Variants in TSLP observed in about 807,000 individuals in gnomAD.
TSLP encodes thymic stromal lymphopoietin.
Under a neutral mutation model 12.4 loss-of-function variants are expected in TSLP, and 12 were observed. The ratio of observed to expected loss-of-function variants is 0.97; its 90% CI spans 0.62 to 1.57. The LOEUF is 1.57. TSLP is among the 40% of genes most tolerant of loss of function. TSLP has a pLI of 0.00. For synonymous variants in TSLP, 97 were observed against 69.5 expected (o/e 1.40, Z -1.97); for missense variants, 222 against 189.6 (o/e 1.17, Z -1.00).
Position 111,077,745 on chromosome 5 carries a change from G to A in TSLP, c.*1671G>A, listed in dbSNP as rs1350152253. On this transcript the variant is annotated 3_prime_UTR_variant, in exon 4 of 4. Transcript: ENST00000344895. ...TAAGTGCAGTTTCTTTGAATCTTCT[G>A]CTTTATCTTTAAAAATTTGTATAAT... 1 of 152,488 alleles carries A rather than the reference G, an allele frequency of 6.6e-6. No individual in the cohort carries two copies. 9.4% of individuals were successfully genotyped at this position (152,488 alleles called of 1,614,324 possible). A position where few individuals can be genotyped will look rare whatever the true frequency, so the allele number is the denominator to read the frequency against.
Position 111,071,886 on chromosome 5 carries a change from C to T in TSLP, c.-5C>T. 2 of 1,612,744 alleles carry T rather than the reference C, an allele frequency of 1.2e-6. No homozygotes were observed. Among genetic ancestry groups the T allele is most frequent in the East Asian group, 2.2e-5 (1 of 44,862 alleles). ...TGAAACTGGGGTGGAATTGGGTGTC[C>T]ACGTATGTTCCCTTTTGCCTTACTA... On this transcript the variant is annotated 5_prime_UTR_variant, in exon 1 of 4. Transcript: ENST00000344895.
chr5:111,073,982 A>G (rs1580377116), intron 3 of TSLP, among the ~76,000 whole-genome samples: 1 of 152,212 alleles, frequency 6.6e-6, no homozygotes. Flanking sequence ...CCAGGTACTC[A>G]ACCCAGACCT....
intron 2 of TSLP, 22 bp downstream of exon 2, chr5:111,072,954 G>T: frequency 6.2e-7 from 1 of 1,613,886 alleles, no homozygotes; most frequent in Non-Finnish European, 8.5e-7. Context: ...GTTCAGTGCT[G>T]CTGGCTTTCT....
Position 111,076,840 on chromosome 5 carries a change from T to C in TSLP, c.*766T>C, listed in dbSNP as rs565557984. On this transcript the variant is annotated 3_prime_UTR_variant, in exon 4 of 4. Coordinates refer to ENST00000344895, the MANE Select transcript of TSLP (RefSeq NM_033035.5). The stretch of plus-strand genomic sequence containing the variant: ...AATCTAGTTAGACAATTTGCACACA[T>C]ACTTTTCTAAGGGACATTATCTTCC... The C allele has an allele frequency of 6.6e-5, 10 of 152,216 alleles. No individual in the cohort carries two copies. Among genetic ancestry groups the C allele is most frequent in the Non-Finnish European group, 1.5e-4 (10 of 68,038 alleles). The allele number at this position is 152,216 out of a possible 1,614,324, so 9.4% of individuals were successfully genotyped here. A position where few individuals can be genotyped will look rare whatever the true frequency, so the allele number is the denominator to read the frequency against.
At position 111,072,911 on chromosome 5, in the gene TSLP, C is replaced by A. The variant is rs141294003; in HGVS notation, c.195C>A (p.Asn65Lys). ...MSGTKSTEFN[N>K]TVSCSNRPHC... is the part of the protein sequence containing the mutation. ...AGACCAAAAGTACCGAGTTCAACAA[C>A]ACCGTCTCTTGTAGCAATCGGGTGA... Residue 65 changes from asparagine to lysine, a missense_variant, in exon 2 of 4, where the codon AAC becomes AAA. Physicochemically the swap from Asn to Lys is moderately conservative, Grantham distance 94. Transcript: ENST00000344895. The A allele has an allele frequency of 1.1e-5, 17 of 1,614,116 alleles. No individual in the cohort carries two copies. The highest frequency in any genetic ancestry group is 2.7e-5 in the African/African-American group (2 of 74,940).
chr5:111,074,837 C>A (rs1752456085), intron 3 of TSLP, among the ~76,000 whole-genome samples: 1 of 151,982 alleles, frequency 6.6e-6, no homozygotes, highest in Non-Finnish European at 1.5e-5. Context: ...CCAGGCTGGT[C>A]TCGAATTCCT....
chr5:111,073,273 G>C, intron 2 of TSLP: 1 of 1,413,278 alleles, frequency 7.1e-7, no homozygotes, highest in Non-Finnish European at 9.2e-7. Context: ...TGGGAGGAGC[G>C]AGCGTGGGTG....
upstream of TSLP, chr5:111,071,696 C>T (rs1031633405): frequency 3.2e-6 from 4 of 1,232,214 alleles, no homozygotes; most frequent in Non-Finnish European, 4.4e-6. Flanking sequence ...TATAGTGCAG[C>T]CAGAAAGCTC....
At chr5:111,073,990 C>T (rs1484699610) in intron 3 of TSLP, among the ~76,000 whole-genome samples, 1 of 152,150 alleles carries the variant, frequency 6.6e-6, no homozygotes, top group Non-Finnish European at 1.5e-5. Flanking sequence ...TCAACCCAGA[C>T]CTTCAACATT....
Position 111,076,700 on chromosome 5 carries a change from CTACTT to C in TSLP, c.*629_*633del, listed in dbSNP as rs1449496444. ...TAAATATACATATAAATTATAGAAT[CTACTT>C]TAATTTATTTTGTGAACACTTTTGA... On this transcript the variant is annotated 3_prime_UTR_variant, in exon 4 of 4. Coordinates refer to ENST00000344895, the MANE Select transcript of TSLP (RefSeq NM_033035.5). The C allele has an allele frequency of 1.4e-4, 22 of 152,284 alleles. No homozygotes were observed. The highest frequency in any genetic ancestry group is 1.9e-4 in the East Asian group (1 of 5,184). The allele number at this position is 152,284 out of a possible 1,614,324, so 9.4% of individuals were successfully genotyped here. A position where few individuals can be genotyped will look rare whatever the true frequency, so the allele number is the denominator to read the frequency against.
rs1308113627 is a variant in TSLP at position 111,072,206 on chromosome 5, TA to T, written c.171+146del. The T allele has an allele frequency of 1.3e-5, 9 of 709,570 alleles. No individual in the cohort carries two copies. In the East Asian group the frequency reaches 1.9e-4, roughly 15 times the overall value. 44.0% of individuals were successfully genotyped at this position (709,570 alleles called of 1,614,324 possible). A position where few individuals can be genotyped will look rare whatever the true frequency, so the allele number is the denominator to read the frequency against. On this transcript the variant is annotated intron_variant, in intron 1 of 3. Transcript: ENST00000344895. The stretch of plus-strand genomic sequence containing the variant: ...TTTTGTCAAGGATTCTTACAAGTGA[TA>T]TTCAAATATCTAATCTAAAATGATT...
rs1456671485 is a variant in TSLP at position 111,077,621 on chromosome 5, T to C, written c.*1547T>C. 1 of 152,604 alleles carries C rather than the reference T, an allele frequency of 6.6e-6. No homozygotes were observed. The highest frequency in any genetic ancestry group is 1.5e-5 in the Non-Finnish European group (1 of 68,032). 9.5% of individuals were successfully genotyped at this position (152,604 alleles called of 1,614,324 possible). On this transcript the variant is annotated 3_prime_UTR_variant, in exon 4 of 4. Coordinates refer to ENST00000344895, the MANE Select transcript of TSLP (RefSeq NM_033035.5). ...TCACTGACTAGATTTTACTGAACTATGAAAATAAATACACATAATTTTTCA... is the reference window on the plus strand; with the variant it reads ...TCACTGACTAGATTTTACTGAACTACGAAAATAAATACACATAATTTTTCA...
intron 2 of TSLP, chr5:111,073,282 T>C: frequency 1.4e-6 from 2 of 1,418,588 alleles, no homozygotes; most frequent in Non-Finnish European, 1.8e-6. Context: ...CGAGCGTGGG[T>C]GACAGTCTTT....
upstream of TSLP, chr5:111,071,195 T>C (rs1257617654): frequency 8.1e-6 from 3 of 370,772 alleles, no homozygotes; most frequent in South Asian, 3.0e-4. Context: ...CATTTAATGC[T>C]TTCACATGGA....
chr5:111,073,479 C>G, intron 2 of TSLP, 32 bp from the exon 3 acceptor site: 1 of 1,613,380 alleles, frequency 6.2e-7, no homozygotes. Flanking sequence ...GTGTTTTCTC[C>G]TTTTCTCGTA....
intron 3 of TSLP, among the ~76,000 whole-genome samples, chr5:111,075,460 T>C (rs113250505): frequency 0.023 from 3,541 of 152,286 alleles, 54 homozygotes; most frequent in Non-Finnish European, 0.033. Context: ...TTGAATGATG[T>C]CTATAAACAG....
intron 2 of TSLP, 100 bp downstream of exon 2, chr5:111,073,032 G>A: frequency 6.9e-7 from 1 of 1,442,674 alleles, no homozygotes; most frequent in Non-Finnish European, 9.6e-7. Flanking sequence ...GAGGTGCCTG[G>A]GCTCCGGGAC....
At chr5:111,075,554 A>G (rs1171082198) in intron 3 of TSLP, among the ~76,000 whole-genome samples, 1 of 152,188 alleles carries the variant, frequency 6.6e-6, no homozygotes, top group East Asian at 1.9e-4. Context: ...TTACTTAATC[A>G]CTCAACAAAT....
Position 111,072,016 on chromosome 5 carries a change from C to T in TSLP, c.126C>T (p.Ala42=), listed in dbSNP as rs142775283. The T allele has an allele frequency of 6.2e-7, 1 of 1,613,948 alleles. No individual in the cohort carries two copies. The highest frequency in any genetic ancestry group is 1.3e-5 in the African/African-American group (1 of 74,908). The change falls in exon 1 of 4, where the codon GCC becomes GCT. Residue 42 remains alanine (A), a synonymous_variant. Coordinates refer to ENST00000344895, the MANE Select transcript of TSLP (RefSeq NM_033035.5). ...GTGACTTTGAGAAGATTAAAGCAGC[C>T]TATCTCAGTACTATTTCTAAAGACC... ...TNCDFEKIKA[A]YLSTISKDLI... is the part of the protein sequence containing the mutation.
Sources: allele counts gnomAD v4.1 joint callset (sites outside exome capture counted in the v4.1 genomes callset), GRCh38; gene constraint gnomAD v4.1.1; transcripts MANE v1.5; gene names NCBI Gene and HGNC (gene_info 2026-07-23, HGNC 2026-07-21).